Variants in PBX1 observed in about 807,000 individuals in gnomAD.
The protein encoded by PBX1 is pre-B-cell leukemia transcription factor 1.
In PBX1, 6 loss-of-function variants were observed where a neutral mutation model predicts 53.4. The ratio of observed to expected loss-of-function variants is 0.11; its 90% confidence interval spans 0.06 to 0.22. The LOEUF is 0.22. Ranked by LOEUF, PBX1 falls within the 10% of genes least tolerant of loss-of-function variation. The probability of loss-of-function intolerance (pLI) is 1.00; values close to 1 mark genes in which losing one functional copy is unlikely to be tolerated. For synonymous variants in PBX1, 204 were observed against 212.3 expected, an observed-to-expected ratio of 0.96 and a Z score of 0.34; for missense variants, 251 against 551.4, an observed-to-expected ratio of 0.46 and a Z score of 5.46.
chr1:164,699,926 G>C (rs1429839078), intron 2 of PBX1, among the ~76,000 whole-genome samples: 1 of 152,136 alleles, frequency 6.6e-6, no homozygotes, highest in African/African-American at 2.4e-5. Flanking sequence ...AAACATTATA[G>C]ACTGTTACTG....
At chr1:164,876,152 AAATT>A (rs972214846) in intron 2 of PBX1, among the ~76,000 whole-genome samples, 1 of 151,872 alleles carries the variant, frequency 6.6e-6, no homozygotes, top group Non-Finnish European at 1.5e-5. Flanking sequence ...GGTAATAAAT[AAATT>A]ATTATTAAGC....
intron 3 of PBX1, among the ~76,000 whole-genome samples, chr1:164,797,598 A>G (rs1187166663): frequency 6.6e-6 from 1 of 152,174 alleles, no homozygotes; most frequent in Non-Finnish European, 1.5e-5. Context: ...TGTCTTCTGT[A>G]TAGGCCCACA....
At chr1:164,855,701 C>T (rs997951102), downstream of PBX1, among the ~76,000 whole-genome samples, 2 of 152,152 alleles carry the variant, frequency 1.3e-5, no homozygotes, top group Admixed American at 1.3e-4. Flanking sequence ...AGCAAAAATA[C>T]AATTTTTATT....
rs145099201 is a variant in PBX1, at chr1:164,584,350, G to A, written c.265+21039G>A. Among the ~76,000 whole-genome samples the A allele has an allele frequency of 3.9e-3, 580 of 150,240 alleles. 4 individuals are homozygous for A. The highest frequency in any genetic ancestry group is 0.014 in the African/African-American group (551 of 40,522). ...GACTCAGTCTCTAGGAAGGAGGGAG[G>A]GAGAGAGAGAGAAAGAGAGAGAGAG... is the stretch of plus-strand genomic sequence containing the variant. On this transcript the variant is annotated intron_variant, in intron 2 of 8. Transcript: ENST00000420696.
chr1:164,770,257 T>G (rs1465484710), intron 2 of PBX1: 1 of 152,220 alleles, frequency 6.6e-6, no homozygotes, highest in Non-Finnish European at 1.5e-5. Context: ...CTCTGCTCTT[T>G]ATAGATAAAG....
Position 164,820,130 on chromosome 1 carries a change from A to T in PBX1, c.1056A>T (p.Ser352=). The T allele has an allele frequency of 6.2e-7, 1 of 1,613,752 alleles. No individual in the cohort carries two copies. Among genetic ancestry groups the T allele is most frequent in the Non-Finnish European group, 8.5e-7 (1 of 1,179,848 alleles). The change falls in exon 7 of 9, where the codon TCA becomes TCT. Residue 352 remains serine (S), a synonymous_variant. Transcript: ENST00000420696. ...NSGDLFMSVQ[S]LNGDSYQGAQ... ...GAGATTTGTTCATGAGCGTGCAGTC[A>T]CTCAATGGGGATTCTTACCAAGGGG... is the stretch of plus-strand genomic sequence containing the variant.
At chr1:164,562,979 AAC>A in intron 1 of PBX1, 2 of 235,166 alleles carry the variant, frequency 8.5e-6, no homozygotes, top group Non-Finnish European at 1.6e-5. Context: ...AAAAAAAAAA[AAC>A]CCTTTCCCTA....
At chr1:164,603,689 A>G (rs1323075186) in intron 2 of PBX1, among the ~76,000 whole-genome samples, 1 of 152,196 alleles carries the variant, frequency 6.6e-6, no homozygotes, top group Admixed American at 6.5e-5. Flanking sequence ...TTTCTACTCA[A>G]ATAGAATGCT....
intron 2 of PBX1, among the ~76,000 whole-genome samples, chr1:164,647,815 C>CTT (rs11299199): frequency 3.0e-5 from 4 of 133,922 alleles, no homozygotes; most frequent in Admixed American, 7.6e-5. Context: ...AGCACCCCAG[C>CTT]TTTTTTTTTT....
At chr1:164,856,841 T>C (rs1160711176) in intron 2 of PBX1, among the ~76,000 whole-genome samples, 2 of 152,184 alleles carry the variant, frequency 1.3e-5, no homozygotes, top group Non-Finnish European at 2.9e-5. Context: ...TTCCAATTGC[T>C]GCCATAACTG....
chr1:164,710,030 G>A (rs570789579), intron 2 of PBX1, among the ~76,000 whole-genome samples: 1 of 152,324 alleles, frequency 6.6e-6, no homozygotes, highest in Admixed American at 6.5e-5. Context: ...GCAGTGAGCA[G>A]CCCACCTGGG....
At chr1:164,673,639 G>A (rs1484757439) in intron 2 of PBX1, among the ~76,000 whole-genome samples, 1 of 151,768 alleles carries the variant, frequency 6.6e-6, no homozygotes. Context: ...CCTGGCGAAA[G>A]TTACTAACAT....
chr1:164,633,883 G>A (rs749278178), intron 2 of PBX1, among the ~76,000 whole-genome samples: 2 of 152,170 alleles, frequency 1.3e-5, no homozygotes, highest in Non-Finnish European at 2.9e-5. Flanking sequence ...AAGCCTCACA[G>A]TATATTTGTT....
At chr1:164,624,510 C>T (rs1271117345) in intron 2 of PBX1, among the ~76,000 whole-genome samples, 2 of 152,192 alleles carry the variant, frequency 1.3e-5, no homozygotes, top group Non-Finnish European at 2.9e-5. Context: ...CATGGTGATT[C>T]TCAATTTGTG....
intron 2 of PBX1, among the ~76,000 whole-genome samples, chr1:164,869,453 C>G (rs1672297405): frequency 6.6e-6 from 1 of 152,126 alleles, no homozygotes; most frequent in Non-Finnish European, 1.5e-5. Flanking sequence ...CATATCTAGC[C>G]ATTGGTTCAC....
chr1:164,823,722 T>G (rs1670283371), intron 8 of PBX1, among the ~76,000 whole-genome samples: 1 of 152,016 alleles, frequency 6.6e-6, no homozygotes, highest in Admixed American at 6.6e-5. Flanking sequence ...TCTGATGACA[T>G]AAGCCCACCA....
chr1:164,791,208 T>C (rs987585743), intron 2 of PBX1, among the ~76,000 whole-genome samples: 4 of 152,002 alleles, frequency 2.6e-5, no homozygotes, highest in Admixed American at 1.3e-4. Context: ...ATTTATTTTA[T>C]GGGAGGTTGT....
chr1:164,597,806 A>G (rs975213560), intron 2 of PBX1, among the ~76,000 whole-genome samples: 1 of 152,094 alleles, frequency 6.6e-6, no homozygotes, highest in Non-Finnish European at 1.5e-5. Flanking sequence ...TTGGCCTTAA[A>G]TTTTTTATTT....
chr1:164,577,290 C>G (rs1444394101), intron 2 of PBX1, among the ~76,000 whole-genome samples: 1 of 152,138 alleles, frequency 6.6e-6, no homozygotes, highest in Non-Finnish European at 1.5e-5. Context: ...AGTCTGATTT[C>G]TTTAACACTT....
Sources: gnomAD v4.1 joint callset for allele counts (sites outside exome capture counted in the v4.1 genomes callset) on GRCh38, gnomAD v4.1.1 for gene constraint, MANE v1.5 for transcripts, NCBI Gene and HGNC (gene_info 2026-07-23, HGNC 2026-07-21) for gene names.